The following CNTNAP2 variants were observed in gnomAD, a reference collection of about 807,000 sequenced individuals.
The protein encoded by CNTNAP2 is contactin associated protein 2, also known as contactin-associated protein-like 2.
Under a neutral mutation model 155.2 loss-of-function variants are expected in CNTNAP2, and 98 were observed. The ratio of observed to expected loss-of-function variants is 0.63; its 90% CI spans 0.54 to 0.75. CNTNAP2 has a LOEUF of 0.75. CNTNAP2 is among the 30% of genes least tolerant of loss of function. The pLI, the probability that CNTNAP2 is intolerant of heterozygous loss-of-function variation, is 0.00. For synonymous variants in CNTNAP2, 651 were observed against 631.2 expected (o/e 1.03, Z -0.47); for missense variants, 1,727 against 1,688.1 (o/e 1.02, Z -0.40).
At chr7:147,106,092 T>G (rs73469099) in intron 4 of CNTNAP2, among the ~76,000 whole-genome samples, 2,443 of 152,156 alleles carry the variant, frequency 0.016, 65 homozygotes, top group African/African-American at 0.056. Flanking sequence ...TCTTGTTCCC[T>G]GAGTAAAAGC....
intron 1 of CNTNAP2, among the ~76,000 whole-genome samples, chr7:146,595,891 A>G (rs1164553760): frequency 1.3e-5 from 2 of 152,090 alleles, no homozygotes; most frequent in African/African-American, 4.8e-5. Flanking sequence ...GTTGAGTTAT[A>G]GTCACACTTT....
intron 14 of CNTNAP2, among the ~76,000 whole-genome samples, chr7:147,974,222 A>G (rs906296781): frequency 6.6e-6 from 1 of 152,208 alleles, no homozygotes; most frequent in African/African-American, 2.4e-5. Flanking sequence ...CAATTACATA[A>G]TAATTGGAAT....
At chr7:146,234,456 T>C (rs549591061) in intron 1 of CNTNAP2, among the ~76,000 whole-genome samples, 5 of 151,686 alleles carry the variant, frequency 3.3e-5, no homozygotes, top group Admixed American at 6.6e-5. Flanking sequence ...TGCAGAAGCT[T>C]TTTAGTTTAA....
chr7:148,191,694 G>A (rs990350031), intron 18 of CNTNAP2, among the ~76,000 whole-genome samples: 10 of 151,836 alleles, frequency 6.6e-5, no homozygotes, highest in African/African-American at 2.4e-4. Flanking sequence ...TCTTTTATAA[G>A]GGGACTAAAC....
intron 1 of CNTNAP2, among the ~76,000 whole-genome samples, chr7:146,720,357 G>A (rs768035430): frequency 6.6e-6 from 1 of 151,982 alleles, no homozygotes; most frequent in South Asian, 2.1e-4. Context: ...AGCTTTCCAC[G>A]TTACAAAAGA....
At chr7:146,253,002 CAAAA>C (rs1799780575) in intron 1 of CNTNAP2, among the ~76,000 whole-genome samples, 1 of 152,082 alleles carries the variant, frequency 6.6e-6, no homozygotes, top group African/African-American at 2.4e-5. Flanking sequence ...TCTTATTCCT[CAAAA>C]TAAATATGAG....
At chr7:146,556,485 C>T (rs1463703463) in intron 1 of CNTNAP2, among the ~76,000 whole-genome samples, 1 of 152,142 alleles carries the variant, frequency 6.6e-6, no homozygotes, top group Admixed American at 6.5e-5. Context: ...TGATAGGTGC[C>T]TAATAACTGT....
chr7:146,663,563 T>C (rs367762497), intron 1 of CNTNAP2, among the ~76,000 whole-genome samples: 3 of 152,128 alleles, frequency 2.0e-5, no homozygotes, highest in African/African-American at 7.2e-5. Context: ...TTTATCTCTT[T>C]TATGTTTTGC....
rs372413907 is a variant in CNTNAP2 at position 146,793,757 on chromosome 7, C to A, written c.208+19376C>A. Reference sequence around the variant, plus strand: ...GTGGGGGCCAGAGACCAAGTGTGGTCCCTGGCCCAGGGTGGGATTAGACAG... The same window carrying A: ...GTGGGGGCCAGAGACCAAGTGTGGTACCTGGCCCAGGGTGGGATTAGACAG... On this transcript the variant is annotated intron_variant, in intron 2 of 23. Transcript: ENST00000361727. Among the ~76,000 whole-genome samples, 28 of 152,120 alleles carry A rather than the reference C, an allele frequency of 1.8e-4. No homozygotes were observed. The East Asian group carries it at 1.9e-3, about 11-fold the overall frequency.
chr7:146,362,766 CTTTTTTTTTTT>C (rs773124124), intron 1 of CNTNAP2, among the ~76,000 whole-genome samples: 2 of 96,450 alleles, frequency 2.1e-5, no homozygotes, highest in African/African-American at 9.0e-5. Context: ...TCACACAGCA[CTTTTTTTTTTT>C]TTTTTTTTTT....
At chr7:146,838,317 T>TTATTA (rs1291201569) in intron 2 of CNTNAP2, among the ~76,000 whole-genome samples, 4 of 152,098 alleles carry the variant, frequency 2.6e-5, no homozygotes, top group Non-Finnish European at 4.4e-5. Context: ...TTTTAAAATT[T>TTATTA]TATTTTATTT....
intron 10 of CNTNAP2, among the ~76,000 whole-genome samples, chr7:147,443,926 A>T (rs1052287299): frequency 2.0e-5 from 3 of 152,196 alleles, no homozygotes; most frequent in African/African-American, 7.2e-5. Context: ...TTTGCCAGCT[A>T]CATTTGTTTG....
intron 4 of CNTNAP2, among the ~76,000 whole-genome samples, chr7:147,059,216 A>G (rs1284094079): frequency 1.3e-5 from 2 of 152,220 alleles, no homozygotes; most frequent in Non-Finnish European, 2.9e-5. Flanking sequence ...CATAATACAC[A>G]GTGTGAAAAT....
chr7:147,974,657 C>T (rs534934566), intron 14 of CNTNAP2, among the ~76,000 whole-genome samples: 1 of 152,136 alleles, frequency 6.6e-6, no homozygotes, highest in South Asian at 2.1e-4. Flanking sequence ...ATAAAATAAA[C>T]CAACATTACC....
chr7:146,837,734 T>G (rs1263346288), intron 2 of CNTNAP2, among the ~76,000 whole-genome samples: 1 of 152,166 alleles, frequency 6.6e-6, no homozygotes, highest in African/African-American at 2.4e-5. Flanking sequence ...TTGGTCAGAT[T>G]TATCTTTTTC....
intron 14 of CNTNAP2, among the ~76,000 whole-genome samples, chr7:147,923,434 C>T (rs889974478): frequency 1.3e-5 from 2 of 152,142 alleles, no homozygotes; most frequent in Admixed American, 6.5e-5. Flanking sequence ...AAAGCATGCC[C>T]AGGGTTGCCT....
At chr7:147,628,860 ACAGCAG>A (rs1795033593) in intron 12 of CNTNAP2, among the ~76,000 whole-genome samples, 1 of 137,720 alleles carries the variant, frequency 7.3e-6, no homozygotes. Context: ...TTTAAAGCCA[ACAGCAG>A]TTAAAAAAAA....
chr7:147,653,274 C>T (rs1027396488), intron 13 of CNTNAP2, among the ~76,000 whole-genome samples: 16 of 151,926 alleles, frequency 1.1e-4, no homozygotes, highest in African/African-American at 3.9e-4. Flanking sequence ...TTGATCTTTT[C>T]AGAAGAAACT....
At chr7:147,908,151 C>A (rs1295290320) in intron 14 of CNTNAP2, among the ~76,000 whole-genome samples, 1 of 152,126 alleles carries the variant, frequency 6.6e-6, no homozygotes. Flanking sequence ...CCCCTTCATG[C>A]TCTTGACCTG....
Sources: allele counts gnomAD v4.1 joint callset (sites outside exome capture counted in the v4.1 genomes callset), GRCh38; gene constraint gnomAD v4.1.1; transcripts MANE v1.5; gene names NCBI Gene and HGNC (gene_info 2026-07-23, HGNC 2026-07-21).